The following ACACB variants were observed in gnomAD, a reference collection of about 807,000 sequenced individuals.
ACACB encodes the protein acetyl-CoA carboxylase beta, also known as acetyl-CoA carboxylase 2.
ACACB carries 209 observed loss-of-function variants against 278.8 expected under a neutral mutation model. The ratio of observed to expected loss-of-function variants is 0.75; its 90% CI spans 0.67 to 0.84. The LOEUF (loss-of-function observed/expected upper bound fraction) is 0.84. Among genes scored for constraint, ACACB ranks in the 40% least tolerant of loss-of-function variants. The pLI, the probability that ACACB is intolerant of heterozygous loss-of-function variation, is 0.00. For synonymous variants in ACACB, 1,174 were observed against 1,285.6 expected (o/e 0.91, Z 1.86); for missense variants, 2,850 against 3,269.0 (o/e 0.87, Z 3.13).
intron 7 of ACACB, among the ~76,000 whole-genome samples, chr12:109,174,568 A>T (rs2044223126): frequency 6.6e-6 from 1 of 150,522 alleles, no homozygotes; most frequent in Non-Finnish European, 1.5e-5. Context: ...AAAAAAAGAC[A>T]GATCTTGGCC....
At chr12:109,159,056 G>A (rs1309231892) in intron 2 of ACACB, among the ~76,000 whole-genome samples, 1 of 152,336 alleles carries the variant, frequency 6.6e-6, no homozygotes, top group East Asian at 1.9e-4. Context: ...ACAGGTGGCC[G>A]AGTGGATTTG....
intron 19 of ACACB, among the ~76,000 whole-genome samples, chr12:109,204,591 T>A (rs1354332107): frequency 6.6e-6 from 1 of 151,960 alleles, no homozygotes; most frequent in African/African-American, 2.4e-5. Flanking sequence ...CTAGATCTTA[T>A]TCATTCTATC....
intron 36 of ACACB, 94 bp from the exon 37 acceptor site, chr12:109,242,343 C>G: frequency 7.1e-7 from 1 of 1,413,698 alleles, no homozygotes; most frequent in South Asian, 1.3e-5. Flanking sequence ...CTTTGCTTCC[C>G]CCACCTGCAT....
rs1565953344 is a variant in ACACB, at chr12:109,233,794, A to AC, written c.4192dup (p.Leu1398ProfsTer14). The AC allele has an allele frequency of 1.2e-6, 2 of 1,613,028 alleles. No individual in the cohort carries two copies. Among genetic ancestry groups the AC allele is most frequent in the Admixed American group, 1.7e-5 (1 of 59,886 alleles). ...TTGCTTCGCCAACGTGCCCAAAGAC[A>AC]CCCCCCTCTTCAGCGAGGCCCGCAC... On this transcript the variant is annotated frameshift_variant, in exon 30 of 53. Coordinates refer to ENST00000338432, the MANE Select transcript of ACACB (RefSeq NM_001093.4). LOFTEE classifies it high-confidence loss of function.
chr12:109,258,124 G>A (rs2136811896), intron 45 of ACACB, 144 bp from the exon 46 acceptor site: 1 of 626,672 alleles, frequency 1.6e-6, no homozygotes, highest in Non-Finnish European at 2.8e-6. Context: ...ACCATTTGGG[G>A]GCTTTTTCTT....
chr12:109,230,891 A>C (rs1470356817), intron 28 of ACACB, among the ~76,000 whole-genome samples: 1 of 152,128 alleles, frequency 6.6e-6, no homozygotes, highest in East Asian at 1.9e-4. Context: ...CCAGAGAGAC[A>C]TTGAGGACCC....
chr12:109,167,104 AG>A (rs1378486260), intron 3 of ACACB, 111 bp downstream of exon 3: 6 of 1,413,310 alleles, frequency 4.2e-6, no homozygotes, highest in Non-Finnish European at 5.9e-6. Context: ...TGCTGCAGAG[AG>A]GGGGTGAGGG....
chr12:109,238,816 C>T (rs1197042023), intron 34 of ACACB, among the ~76,000 whole-genome samples: 2 of 151,908 alleles, frequency 1.3e-5, no homozygotes, highest in Non-Finnish European at 1.5e-5. Context: ...CTGCCCACTT[C>T]GGCCTCCCAA....
intron 1 of ACACB, among the ~76,000 whole-genome samples, chr12:109,122,343 G>T (rs2042568095): frequency 6.6e-6 from 1 of 152,176 alleles, no homozygotes; most frequent in Non-Finnish European, 1.5e-5. Flanking sequence ...AGGTATGGTG[G>T]TTCATGCCTG....
chr12:109,147,391 CTTTT>C (rs34959945), intron 2 of ACACB, among the ~76,000 whole-genome samples: 1 of 116,210 alleles, frequency 8.6e-6, no homozygotes. Flanking sequence ...TGTCTGGCTA[CTTTT>C]TTTTTTTTTT....
At chr12:109,174,562 A>G (rs2044222699) in intron 7 of ACACB, among the ~76,000 whole-genome samples, 1 of 151,688 alleles carries the variant, frequency 6.6e-6, no homozygotes, top group Non-Finnish European at 1.5e-5. Context: ...AAAAAAAAAA[A>G]AAGACAGATC....
At chr12:109,141,343 T>A (rs66919412) in intron 2 of ACACB, among the ~76,000 whole-genome samples, 2,509 of 152,312 alleles carry the variant, frequency 0.016, 27 homozygotes, top group Non-Finnish European at 0.02. Context: ...TCATAACAGG[T>A]GGGACTATCC....
chr12:109,190,235 C>T (rs1029370365), intron 13 of ACACB, among the ~76,000 whole-genome samples: 2 of 152,192 alleles, frequency 1.3e-5, no homozygotes, highest in African/African-American at 2.4e-5. Flanking sequence ...ACTATAGGCG[C>T]GTCCCACCAC....
chr12:109,177,167 G>T (rs1458437437), intron 9 of ACACB, among the ~76,000 whole-genome samples: 1 of 152,202 alleles, frequency 6.6e-6, no homozygotes, highest in Non-Finnish European at 1.5e-5. Context: ...TGTAGATCAT[G>T]AATATTATTA....
At chr12:109,232,403 G>C (rs923563583) in intron 28 of ACACB, among the ~76,000 whole-genome samples, 17 of 152,138 alleles carry the variant, frequency 1.1e-4, no homozygotes, top group Non-Finnish European at 2.1e-4. Context: ...GCTCCCCTCG[G>C]GACTGTGTTG....
chr12:109,120,236 C>T (rs903530491), intron 1 of ACACB, among the ~76,000 whole-genome samples: 1 of 152,138 alleles, frequency 6.6e-6, no homozygotes, highest in Non-Finnish European at 1.5e-5. Context: ...CCTCCAGGGC[C>T]AATCAGTTTG....
At chr12:109,199,017 C>G (rs1204475135) in intron 17 of ACACB, among the ~76,000 whole-genome samples, 4 of 151,894 alleles carry the variant, frequency 2.6e-5, no homozygotes, top group Non-Finnish European at 2.9e-5. Context: ...GAAACCCCAT[C>G]TTTACTAAAA....
At chr12:109,174,705 G>GT (rs1555212851) in intron 7 of ACACB, among the ~76,000 whole-genome samples, 2 of 109,372 alleles carry the variant, frequency 1.8e-5, no homozygotes, top group Non-Finnish European at 4.6e-5. Context: ...TCCAGAAAAA[G>GT]TAAAAAAAAA....
intron 29 of ACACB, among the ~76,000 whole-genome samples, chr12:109,233,317 G>A (rs916684613): frequency 1.3e-5 from 2 of 152,158 alleles, no homozygotes; most frequent in Non-Finnish European, 2.9e-5. Context: ...GCCTTTCACT[G>A]TGTGTTCTGC....
Sources: allele counts gnomAD v4.1 joint callset (sites outside exome capture counted in the v4.1 genomes callset), GRCh38; gene constraint gnomAD v4.1.1; transcripts MANE v1.5; gene names NCBI Gene and HGNC (gene_info 2026-07-23, HGNC 2026-07-21).